BTBD9: variants seen among roughly 807,000 people sequenced by gnomAD.
The protein encoded by BTBD9 is BTB/POZ domain-containing protein 9.
Under a neutral mutation model 64.3 loss-of-function variants are expected in BTBD9, and 49 were observed. The ratio of observed to expected loss-of-function variants is 0.76; its 90% CI spans 0.61 to 0.97. The LOEUF is 0.97. Ranked by LOEUF, BTBD9 falls within the 50% of genes least tolerant of loss-of-function variation. The pLI, the probability that BTBD9 is intolerant of heterozygous loss-of-function variation, is 0.00. For synonymous variants in BTBD9, 260 were observed against 274.7 expected (o/e 0.95, Z 0.53); for missense variants, 598 against 762.1 (o/e 0.78, Z 2.53).
At chr6:38,586,615 A>G (rs1776539583) in intron 4 of BTBD9, among the ~76,000 whole-genome samples, 1 of 152,186 alleles carries the variant, frequency 6.6e-6, no homozygotes, top group African/African-American at 2.4e-5. Flanking sequence ...CTGAACAACA[A>G]CAACAACAAA....
chr6:38,534,716 C>T (rs974345024), intron 6 of BTBD9, among the ~76,000 whole-genome samples: 3 of 152,162 alleles, frequency 2.0e-5, no homozygotes, highest in Non-Finnish European at 4.4e-5. Flanking sequence ...GATAGTTTAA[C>T]ATATGGAAAT....
intron 8 of BTBD9, among the ~76,000 whole-genome samples, chr6:38,287,102 A>G (rs867233305): frequency 1.6e-5 from 2 of 124,008 alleles, no homozygotes; most frequent in Non-Finnish European, 3.3e-5. Context: ...AAAAAAAAAA[A>G]AAAATATACA....
At chr6:38,508,876 T>G (rs1772657853) in intron 6 of BTBD9, among the ~76,000 whole-genome samples, 1 of 152,134 alleles carries the variant, frequency 6.6e-6, no homozygotes, top group Non-Finnish European at 1.5e-5. Flanking sequence ...CCATCAACCG[T>G]AACCTTCTAA....
At chr6:38,490,151 T>C (rs1166876537) in intron 6 of BTBD9, among the ~76,000 whole-genome samples, 4 of 151,818 alleles carry the variant, frequency 2.6e-5, no homozygotes, top group African/African-American at 9.7e-5. Context: ...GAATGTGGAG[T>C]AGAAACGCTA....
intron 1 of BTBD9, among the ~76,000 whole-genome samples, chr6:38,631,421 T>A (rs1381412202): frequency 6.6e-6 from 1 of 152,232 alleles, no homozygotes; most frequent in Non-Finnish European, 1.5e-5. Flanking sequence ...CCTTCCTCCC[T>A]GAGTATGGGC....
intron 1 of BTBD9, among the ~76,000 whole-genome samples, chr6:38,611,548 T>G (rs1482676423): frequency 6.6e-6 from 1 of 152,124 alleles, no homozygotes; most frequent in Non-Finnish European, 1.5e-5. Flanking sequence ...ACAAGAGACT[T>G]TTTAGAATTA....
intron 6 of BTBD9, among the ~76,000 whole-genome samples, chr6:38,431,171 C>T (rs1768425254): frequency 6.6e-6 from 1 of 151,880 alleles, no homozygotes; most frequent in South Asian, 2.1e-4. Flanking sequence ...ATGCTAATAA[C>T]TCTCAAAGTT....
In BTBD9 at chr6:38,334,615, CATAACATAACATAAA is replaced by C. The variant is rs1453612031; in HGVS notation, c.1264+10354_1264+10368del. 5.9e-3 allele frequency among the ~76,000 whole-genome samples: 850 copies of C among 144,762 alleles called. 4 individuals carry two copies. Among genetic ancestry groups the C allele is most frequent in the African/African-American group, 0.021 (737 of 35,878 alleles). The allele number at this position is 144,762 out of a possible 152,430, so 95.0% of individuals were successfully genotyped here. ...CATAACATAACATAACATAACATAA[CATAACATAACATAAA>C]ATAAATAAAATAATAAAATAAAATA... On this transcript the variant is annotated intron_variant, in intron 7 of 10. Transcript: ENST00000481247.
intron 6 of BTBD9, among the ~76,000 whole-genome samples, chr6:38,495,121 C>T (rs960788529): frequency 1.3e-5 from 2 of 152,202 alleles, no homozygotes; most frequent in Non-Finnish European, 2.9e-5. Context: ...GACAAAGCAA[C>T]TCTATATAAT....
At chr6:38,457,036 C>A (rs574235619) in intron 6 of BTBD9, among the ~76,000 whole-genome samples, 4 of 151,960 alleles carry the variant, frequency 2.6e-5, no homozygotes, top group Non-Finnish European at 5.9e-5. Flanking sequence ...GAATATCCAG[C>A]GAGAGAGAAG....
At chr6:38,354,993 A>C (rs895909270) in intron 6 of BTBD9, among the ~76,000 whole-genome samples, 2 of 152,100 alleles carry the variant, frequency 1.3e-5, no homozygotes, top group African/African-American at 2.4e-5. Context: ...GATATGTATA[A>C]TACACTATCC....
rs984084974 is a variant in BTBD9, at chr6:38,169,773, C to T, written c.*5212G>A. ...CCTCCTCCACCCCCCCTCCCCCCCG[C>T]CCATTCAGGGCTATAAATACTCACG... On this transcript the variant is annotated 3_prime_UTR_variant, in exon 11 of 11. Transcript: ENST00000481247. The T allele has an allele frequency of 2.6e-5, 4 of 151,538 alleles. No individual in the cohort carries two copies. The highest frequency in any genetic ancestry group is 4.9e-5 in the African/African-American group (2 of 41,214). 9.4% of individuals were successfully genotyped at this position (151,538 alleles called of 1,614,324 possible).
At chr6:38,501,856 T>A (rs1160123741) in intron 6 of BTBD9, among the ~76,000 whole-genome samples, 1 of 152,210 alleles carries the variant, frequency 6.6e-6, no homozygotes, top group Admixed American at 6.5e-5. Flanking sequence ...AATAGTTATT[T>A]TTCATCAAAA....
chr6:38,363,085 T>C (rs7762070), intron 6 of BTBD9, among the ~76,000 whole-genome samples: 29,644 of 152,184 alleles, frequency 0.19, 3,043 homozygotes, highest in African/African-American at 0.22. Context: ...CTTTTTATTT[T>C]ATTTATTTTA....
At chr6:38,452,507 T>C (rs1396128458) in intron 6 of BTBD9, among the ~76,000 whole-genome samples, 1 of 151,860 alleles carries the variant, frequency 6.6e-6, no homozygotes, top group East Asian at 1.9e-4. Context: ...AAAAATCAAT[T>C]AAAGATGTAA....
intron 6 of BTBD9, among the ~76,000 whole-genome samples, chr6:38,346,876 G>C (rs1201381504): frequency 6.6e-6 from 1 of 152,142 alleles, no homozygotes; most frequent in East Asian, 1.9e-4. Context: ...GGAGGGAATA[G>C]AGGGAATGTG....
chr6:38,316,013 A>G (rs753078727), intron 7 of BTBD9, among the ~76,000 whole-genome samples: 4 of 152,180 alleles, frequency 2.6e-5, no homozygotes, highest in Admixed American at 6.5e-5. Flanking sequence ...ATATATTTAT[A>G]ATTGTCATAT....
chr6:38,313,775 A>G (rs1342465248), intron 7 of BTBD9, among the ~76,000 whole-genome samples: 4 of 124,414 alleles, frequency 3.2e-5, no homozygotes, highest in African/African-American at 1.3e-4. Context: ...TTTGAGATGG[A>G]GTCTCACTCC....
chr6:38,378,835 C>T (rs1765801822), intron 6 of BTBD9, among the ~76,000 whole-genome samples: 1 of 146,766 alleles, frequency 6.8e-6, no homozygotes, highest in African/African-American at 2.5e-5. Flanking sequence ...TATGGCACTA[C>T]TGCACTCCAG....
Sources: gnomAD v4.1 joint callset for allele counts (sites outside exome capture counted in the v4.1 genomes callset) on GRCh38, gnomAD v4.1.1 for gene constraint, MANE v1.5 for transcripts, NCBI Gene and HGNC (gene_info 2026-07-23, HGNC 2026-07-21) for gene names.